Variants in EMCN observed in about 807,000 individuals in gnomAD.
EMCN encodes MUC-14.
A neutral mutation model predicts 38.4 loss-of-function variants in EMCN; 37 were observed. The ratio of observed to expected loss-of-function variants is 0.96; its 90% CI spans 0.74 to 1.27. EMCN has a LOEUF of 1.27. Ranked by LOEUF, EMCN falls within the 50% of genes most tolerant of loss-of-function variation. The pLI, the probability that EMCN is intolerant of heterozygous loss-of-function variation, is 0.00. For missense variants in EMCN, 318 were observed against 302.8 expected (o/e 1.05, Z -0.37); for synonymous variants, 95 against 100.8 (o/e 0.94, Z 0.35).
Position 100,418,816 on chromosome 4 carries a change from A to G in EMCN, c.665-1675T>C, listed in dbSNP as rs148652483. ...TGATGGACACTTAGGTTGCTTCCAA[A>G]TCTTGGCTATTGTGAACAGTGCTGC... On this transcript the variant is annotated intron_variant, in intron 8 of 11. Transcript: ENST00000296420. Among the ~76,000 whole-genome samples the G allele has an allele frequency of 7.4e-3, 1,127 of 152,190 alleles. 12 individuals carry two copies. The highest frequency in any genetic ancestry group is 0.017 in the Middle Eastern group (5 of 294).
rs115243972 is a variant in EMCN, at chr4:100,465,487, G to A, written c.312C>T (p.Asn104=). 1.1e-3 allele frequency: 1,845 copies of A among 1,608,648 alleles called. 17 individuals carry two copies. In the African/African-American group the frequency reaches 0.019, roughly 16 times the overall value. Residue 104 remains asparagine, a synonymous_variant, in exon 4 of 12, where the codon AAC becomes AAT. Transcript: ENST00000296420. The part of the protein sequence containing the change: ...DVRKNDSIIS[N]VTVTSVTLPN... Reference sequence around the variant, plus strand: ...GAAGTGTAACACTTGTTACTGTTACGTTTGAAATGATGGAGTCATTCTTCC... The same window carrying A: ...GAAGTGTAACACTTGTTACTGTTACATTTGAAATGATGGAGTCATTCTTCC...
intron 10 of EMCN, among the ~76,000 whole-genome samples, chr4:100,412,031 C>T (rs1034417444): frequency 1.3e-5 from 2 of 150,956 alleles, no homozygotes; most frequent in African/African-American, 4.9e-5. Flanking sequence ...TGAGTAATTG[C>T]CATAGCATAC....
At chr4:100,504,626 G>A (rs1040321345) in intron 1 of EMCN, among the ~76,000 whole-genome samples, 1 of 152,256 alleles carries the variant, frequency 6.6e-6, no homozygotes, top group Non-Finnish European at 1.5e-5. Context: ...ACAAGAGTGT[G>A]AGCCTTCTGT....
rs372729021 is a variant in EMCN, at chr4:100,457,769, T to C, written c.376+7654A>G. On this transcript the variant is annotated intron_variant, in intron 4 of 11. Transcript: ENST00000296420. Reference sequence around the variant, plus strand: ...ATCAGTCTGCAGTGTTCTTTTCTTGTAGTTTTTGTGAATGATTTTGGTATC... The same window carrying C: ...ATCAGTCTGCAGTGTTCTTTTCTTGCAGTTTTTGTGAATGATTTTGGTATC... Among the ~76,000 whole-genome samples the C allele has an allele frequency of 9.2e-5, 14 of 152,282 alleles. No homozygotes were observed. In the East Asian group the frequency reaches 1.7e-3, roughly 19 times the overall value.
chr4:100,446,167 AC>A, intron 5 of EMCN: 1 of 985,360 alleles, frequency 1.0e-6, no homozygotes, highest in Non-Finnish European at 1.2e-6. Flanking sequence ...TCTTCCCAGA[AC>A]TGCATCAGTC....
At chr4:100,490,393 C>A (rs56292957) in intron 1 of EMCN, among the ~76,000 whole-genome samples, 8,599 of 152,004 alleles carry the variant, frequency 0.057, 308 homozygotes, top group Middle Eastern at 0.078. Flanking sequence ...TTTTTATAAA[C>A]TTGGTATAGC....
chr4:100,406,048 T>G (rs1219599092), intron 11 of EMCN, among the ~76,000 whole-genome samples: 26 of 151,952 alleles, frequency 1.7e-4, no homozygotes, highest in Admixed American at 1.7e-3. Context: ...TTTTTGTTTG[T>G]TTGTTTGTTT....
rs143538440 is a variant in EMCN, at chr4:100,494,787, CT to C, written c.65-14749del. ...GGAAAATAAAACAAAACTTGTTATACTTTTTTTTTTGCCCCAAGAGTATGGG... is the reference window on the plus strand; with the variant it reads ...GGAAAATAAAACAAAACTTGTTATACTTTTTTTTTGCCCCAAGAGTATGGG... On this transcript the variant is annotated intron_variant, in intron 1 of 11. Coordinates refer to ENST00000296420, the MANE Select transcript of EMCN (RefSeq NM_016242.4). Among the ~76,000 whole-genome samples, 455 of 147,402 alleles carry C rather than the reference CT, an allele frequency of 3.1e-3. 3 individuals carry two copies. The highest frequency in any genetic ancestry group is 0.01 in the African/African-American group (414 of 40,526).
At position 100,448,826 on chromosome 4, in the gene EMCN, C is replaced by CTTT. The variant is rs1553929074; in HGVS notation, c.377-1256_377-1255insAAA. On this transcript the variant is annotated intron_variant, in intron 4 of 11. Transcript: ENST00000296420. ...TTCCTTCCTTCCTTCCTTCCTTCCT[C>CTTT]CCTCCCTCCCTCCCTCCCTTCCTTG... Among the ~76,000 whole-genome samples the CTTT allele has an allele frequency of 3.9e-3, 545 of 139,310 alleles. 9 individuals are homozygous for CTTT. The highest frequency in any genetic ancestry group is 0.013 in the South Asian group (58 of 4,334). 91.4% of individuals were successfully genotyped at this position (139,310 alleles called of 152,430 possible).
At chr4:100,450,271 G>A (rs1235541337) in intron 4 of EMCN, among the ~76,000 whole-genome samples, 1 of 151,920 alleles carries the variant, frequency 6.6e-6, no homozygotes. Context: ...TGTTTGTTGA[G>A]TTTAATTTTT....
At chr4:100,446,204 G>A (rs1451728845) in intron 5 of EMCN, 2 of 984,938 alleles carry the variant, frequency 2.0e-6, no homozygotes, top group African/African-American at 3.5e-5. Context: ...CACTGTTTTT[G>A]TCTTGTTTTG....
chr4:100,491,233 A>C (rs1371450059), intron 1 of EMCN, among the ~76,000 whole-genome samples: 1 of 152,150 alleles, frequency 6.6e-6, no homozygotes, highest in Non-Finnish European at 1.5e-5. Flanking sequence ...CTTTGCCTAG[A>C]CTAATGTCTC....
chr4:100,464,078 T>C (rs1728252524), intron 4 of EMCN, among the ~76,000 whole-genome samples: 1 of 152,144 alleles, frequency 6.6e-6, no homozygotes, highest in African/African-American at 2.4e-5. Flanking sequence ...ATTTAATTTC[T>C]CACCAAAATA....
At chr4:100,417,262 C>A in intron 8 of EMCN, 121 bp from the exon 9 acceptor site, 2 of 906,724 alleles carry the variant, frequency 2.2e-6, no homozygotes, top group East Asian at 2.4e-5. Flanking sequence ...GTTTCTAAGT[C>A]ATTTTAAAAT....
chr4:100,479,139 G>A (rs563516916), intron 2 of EMCN, among the ~76,000 whole-genome samples: 2 of 152,160 alleles, frequency 1.3e-5, no homozygotes, highest in African/African-American at 4.8e-5. Context: ...ATTAAGGGGG[G>A]AATAGAAAGA....
chr4:100,417,044 A>C (rs1432944851), intron 9 of EMCN, 73 bp downstream of exon 9: 23 of 1,442,194 alleles, frequency 1.6e-5, no homozygotes, highest in Non-Finnish European at 2.2e-5. Flanking sequence ...CCAAAAAAGT[A>C]TAAGTAGAGT....
chr4:100,414,603 G>A (rs1161630879), intron 10 of EMCN, among the ~76,000 whole-genome samples: 1 of 152,072 alleles, frequency 6.6e-6, no homozygotes, highest in Non-Finnish European at 1.5e-5. Context: ...CCTAAAATAA[G>A]ATGGCTCATG....
Position 100,423,055 on chromosome 4 carries a change from A to AT in EMCN, c.533dup (p.Asn178LysfsTer52), listed in dbSNP as rs1560608655. 2.5e-6 allele frequency: 4 copies of AT among 1,612,592 alleles called. No homozygotes were observed. The Admixed American group carries it at 5.0e-5, about 20-fold the overall frequency. On this transcript the variant is annotated frameshift_variant, in exon 7 of 12. Transcript: ENST00000296420. LOFTEE classifies it high-confidence loss of function. Reference sequence around the variant, plus strand: ...ACCGGCTGGTTGCTGAAGTGCTTGCATTTTTTCCACCCTCAGTGCCTATTA... The same window carrying AT: ...ACCGGCTGGTTGCTGAAGTGCTTGCATTTTTTTCCACCCTCAGTGCCTATTA...
intron 5 of EMCN, among the ~76,000 whole-genome samples, chr4:100,436,359 C>A (rs1263699740): frequency 6.6e-6 from 1 of 152,010 alleles, no homozygotes; most frequent in Non-Finnish European, 1.5e-5. Flanking sequence ...AGTTAAGAAA[C>A]AACAAATGCT....
Sources: allele counts gnomAD v4.1 joint callset (sites outside exome capture counted in the v4.1 genomes callset), GRCh38; gene constraint gnomAD v4.1.1; transcripts MANE v1.5; gene names NCBI Gene and HGNC (gene_info 2026-07-23, HGNC 2026-07-21).